Variants in SPEN observed in about 807,000 individuals in gnomAD.
SPEN encodes msx2-interacting protein.
In SPEN, 18 loss-of-function variants were observed where a neutral mutation model predicts 269.9. That is an observed-to-expected ratio of 0.07 (90% CI 0.05 to 0.10). SPEN has a LOEUF of 0.10. Ranked by LOEUF, SPEN falls within the 10% of genes least tolerant of loss-of-function variation. SPEN has a pLI of 1.00. For missense variants in SPEN, 3,822 were observed against 4,631.2 expected, an observed-to-expected ratio of 0.83 and a Z score of 5.07; for synonymous variants, 1,726 against 1,765.7, an observed-to-expected ratio of 0.98 and a Z score of 0.56.
chr1:15,926,410 C>CAT (rs1318038031), intron 10 of SPEN, among the ~76,000 whole-genome samples: 7 of 150,824 alleles, frequency 4.6e-5, no homozygotes, highest in Middle Eastern at 3.5e-3. Flanking sequence ...CACACACACA[C>CAT]ACATTTATAA....
rs1459374757 is a variant in SPEN, at chr1:15,874,292, G to A, written c.404+1156G>A. On this transcript the variant is annotated intron_variant, in intron 2 of 14. Transcript: ENST00000375759. ...TTTGACACCCTTGCCCATTAAGAAG[G>A]TGGATTACCCCCATAAGAGGGGCCA... 3.7e-6 allele frequency: 5 copies of A among 1,366,488 alleles called. No individual in the cohort carries two copies. The South Asian group carries it at 5.7e-5, about 16-fold the overall frequency. 84.6% of individuals were successfully genotyped at this position (1,366,488 alleles called of 1,614,324 possible).
At chr1:15,872,717 C>G (rs2070593835) in intron 1 of SPEN, 99 bp from the exon 2 acceptor site, 1 of 821,890 alleles carries the variant, frequency 1.2e-6, no homozygotes, top group African/African-American at 1.7e-5. Flanking sequence ...GCAGGTCGTC[C>G]CTCCTACATA....
Position 15,847,901 on chromosome 1 carries a change from G to T in SPEN, c.-167G>T. ...CCCGAGAGTCAGAACCTGGGGGAGA[G>T]GGATGGTCTCTGCACGGGGGGGAGC... is the stretch of plus-strand genomic sequence containing the variant. On this transcript the variant is annotated 5_prime_UTR_variant, in exon 1 of 15. The change creates a new upstream start codon in the 5' untranslated region. Transcript: ENST00000375759. 1 of 308,066 alleles carries T rather than the reference G, an allele frequency of 3.2e-6. No individual in the cohort carries two copies. The highest frequency in any genetic ancestry group is 6.0e-6 in the Non-Finnish European group (1 of 165,364). The allele number at this position is 308,066 out of a possible 1,614,324, so 19.1% of individuals were successfully genotyped here.
rs773568000 is a variant in SPEN at position 15,918,967 on chromosome 1, G to C, written c.1437G>C (p.Ala479=). The C allele has an allele frequency of 3.9e-5, 63 of 1,608,992 alleles. No individual in the cohort carries two copies. The change falls in exon 7 of 15, where the codon GCG becomes GCC. Residue 479 remains alanine, a synonymous_variant. Coordinates refer to ENST00000375759, the MANE Select transcript of SPEN (RefSeq NM_015001.3). ...IKKVNGVPQY[A]FLQYCDIASV... The stretch of plus-strand genomic sequence containing the variant: ...AAGTAAATGGAGTTCCTCAGTATGC[G>C]TTTCTGCAATACTGTGATATTGCTA...
Position 15,894,533 on chromosome 1 carries a change from G to GTTTTTTTTT in SPEN, c.882-14786_882-14785insTTTTTTTTT, listed in dbSNP as rs35841965. Among the ~76,000 whole-genome samples, 344 of 135,968 alleles carry GTTTTTTTTT rather than the reference G, an allele frequency of 2.5e-3. 20 individuals carry two copies. Among genetic ancestry groups the GTTTTTTTTT allele is most frequent in the African/African-American group, 9.2e-3 (309 of 33,642 alleles). The allele number at this position is 135,968 out of a possible 152,430, so 89.2% of individuals were successfully genotyped here. ...TAGATCCTAAAACTACCATATTATG[G>GTTTTTTTTT]TTGTTTTTTTTTTTTTTTTTTTTTT... is the stretch of plus-strand genomic sequence containing the variant. On this transcript the variant is annotated intron_variant, in intron 3 of 14. Transcript: ENST00000375759.
Position 15,928,201 on chromosome 1 carries a change from G to A in SPEN, c.1961G>A (p.Gly654Glu). ...EDSRRDYPAR[G>E]REFYSEWETY... ...TCCAGGCGGGACTATCCAGCTCGAG[G>A]GAGAGAGTTTTATTCAGAATGGGAA... The change falls in exon 11 of 15, where the codon GGG becomes GAG. Residue 654 changes from glycine to glutamate, a missense_variant. Coordinates refer to ENST00000375759, the MANE Select transcript of SPEN (RefSeq NM_015001.3). This position sits in a 1 kb window ranked among gnomAD's most constrained non-coding sequence, Gnocchi z 5.7. 1 of 1,614,150 alleles carries A rather than the reference G, an allele frequency of 6.2e-7. No individual in the cohort carries two copies. The highest frequency in any genetic ancestry group is 1.3e-5 in the African/African-American group (1 of 75,026).
At chr1:15,897,985 A>G (rs983664233) in intron 3 of SPEN, among the ~76,000 whole-genome samples, 4 of 152,144 alleles carry the variant, frequency 2.6e-5, no homozygotes, top group Non-Finnish European at 4.4e-5. Flanking sequence ...GGTCTGACTC[A>G]TTGCCCTGAT....
In SPEN at chr1:15,867,706, C is replaced by A. The variant is rs1301108259; in HGVS notation, c.84-5110C>A. 2.7e-5 allele frequency among the ~76,000 whole-genome samples: 4 copies of A among 147,402 alleles called. No homozygotes were observed. The East Asian group carries it at 7.8e-4, about 29-fold the overall frequency. The stretch of plus-strand genomic sequence containing the variant: ...TCTCTTCATCCTCATTATTAGTTGT[C>A]ATTGCCTTTTTTTTTTTTTTAGCTG... On this transcript the variant is annotated intron_variant, in intron 1 of 14. Coordinates refer to ENST00000375759, the MANE Select transcript of SPEN (RefSeq NM_015001.3).
intron 5 of SPEN, among the ~76,000 whole-genome samples, chr1:15,914,973 GAT>G (rs2071044670): frequency 6.6e-6 from 1 of 152,138 alleles, no homozygotes; most frequent in South Asian, 2.1e-4. Flanking sequence ...TTAGACAGTT[GAT>G]TTATTGTGTT....
rs982026894 is a variant in SPEN at position 15,935,626 on chromosome 1, T to C, written c.9386T>C (p.Ile3129Thr). The change falls in exon 11 of 15, where the codon ATA becomes ACA. Residue 3129 changes from isoleucine to threonine, a missense_variant. Ile to Thr is a moderately conservative substitution (Grantham distance 89). Transcript: ENST00000375759. The surrounding 1 kb of genome is among the most constrained non-coding windows in gnomAD (Gnocchi z 7.7). ...SPRAPLQPQQIEVRAPQRAST... is the reference protein window; with the variant it reads ...SPRAPLQPQQTEVRAPQRAST... ...CGGGCTCCGCTGCAGCCCCAGCAAA[T>C]AGAGGTCAGGGCCCCACAGCGTGCC... 17 of 1,613,806 alleles carry C rather than the reference T, an allele frequency of 1.1e-5. No individual in the cohort carries two copies. Among genetic ancestry groups the C allele is most frequent in the African/African-American group, 2.7e-5 (2 of 74,846 alleles).
chr1:15,935,093 A>C lies in SPEN; in HGVS notation c.8853A>C (p.Pro2951=), dbSNP rs770689384. The C allele has an allele frequency of 1.9e-5, 31 of 1,613,724 alleles. No homozygotes were observed. In the Middle Eastern group the frequency reaches 8.2e-4, roughly 43 times the overall value. ...VLVHNQLVLT[P]SIVTTNKKLA... ...TTCACAACCAGCTGGTCCTCACCCC[A>C]AGCATTGTCACCACAAACAAGAAGC... The change falls in exon 11 of 15, where the codon CCA becomes CCC. Residue 2951 remains proline, a synonymous_variant. Transcript: ENST00000375759. The surrounding 1 kb of genome is among the most constrained non-coding windows in gnomAD (Gnocchi z 7.7).
intron 1 of SPEN, among the ~76,000 whole-genome samples, chr1:15,858,751 A>G (rs975017057): frequency 2.0e-5 from 3 of 152,118 alleles, no homozygotes; most frequent in South Asian, 2.1e-4. Flanking sequence ...TCTGGGCAAC[A>G]TGGTAAAACC....
At chr1:15,894,536 G>GGTTTTTTT (rs1553177206) in intron 3 of SPEN, among the ~76,000 whole-genome samples, 5 of 100,382 alleles carry the variant, frequency 5.0e-5, no homozygotes, top group South Asian at 3.5e-4. Flanking sequence ...TATTATGGTT[G>GGTTTTTTT]TTTTTTTTTT....
Position 15,931,826 on chromosome 1 carries a change from A to G in SPEN, c.5586A>G (p.Ala1862=). The G allele has an allele frequency of 6.2e-7, 1 of 1,614,248 alleles. No homozygotes were observed. The highest frequency in any genetic ancestry group is 8.5e-7 in the Non-Finnish European group (1 of 1,180,044). ...LKRSNSPRGE[A]QKLLELKMEA... is the part of the protein sequence containing the mutation. ...GGTCCAATTCTCCTCGGGGAGAAGC[A>G]CAGAAGCTTTTGGAATTGAAGATGG... Residue 1862 remains alanine (A), a synonymous_variant, in exon 11 of 15, where the codon GCA becomes GCG. Coordinates refer to ENST00000375759, the MANE Select transcript of SPEN (RefSeq NM_015001.3). This position sits in a 1 kb window ranked among gnomAD's most constrained non-coding sequence, Gnocchi z 4.8.
chr1:15,911,334 C>T (rs1206267290), intron 5 of SPEN, 33 bp downstream of exon 5: 20 of 1,561,590 alleles, frequency 1.3e-5, no homozygotes, highest in Non-Finnish European at 1.7e-5. Context: ...TTGAGTTACT[C>T]ATCACACACA....
rs747368965 is a variant in SPEN at position 15,937,988 on chromosome 1, G to C, written c.10686G>C (p.Gly3562=). 7 of 1,609,644 alleles carry C rather than the reference G, an allele frequency of 4.3e-6. No homozygotes were observed. Among genetic ancestry groups the C allele is most frequent in the Non-Finnish European group, 5.9e-6 (7 of 1,178,552 alleles). Residue 3562 remains glycine (G), a synonymous_variant, in exon 13 of 15, where the codon GGG becomes GGC. Transcript: ENST00000375759. This position sits in a 1 kb window ranked among gnomAD's most constrained non-coding sequence, Gnocchi z 5.7. ...GGCTGGAGGCAACGCAGCTGGAAGG[G>C]GTTGCCCGAAGGATGACGGTAAGAC... ...RMRLEATQLE[G]VARRMTVETD... is the part of the protein sequence containing the mutation.
chr1:15,940,120 A>G lies in SPEN; in HGVS notation c.*693A>G, dbSNP rs1378605547. ...ATAAATATATAATATATATAAATAT[A>G]TATAATACTGACTTAAAAAATCAAA... On this transcript the variant is annotated 3_prime_UTR_variant, in exon 15 of 15. Transcript: ENST00000375759. The G allele has an allele frequency of 9.4e-6, 2 of 212,274 alleles. No individual in the cohort carries two copies. The highest frequency in any genetic ancestry group is 1.9e-5 in the Non-Finnish European group (2 of 105,714). 13.1% of individuals were successfully genotyped at this position (212,274 alleles called of 1,614,324 possible). A position where few individuals can be genotyped will look rare whatever the true frequency, so the allele number is the denominator to read the frequency against.
chr1:15,866,044 A>G (rs1569979753), intron 1 of SPEN, among the ~76,000 whole-genome samples: 3 of 152,016 alleles, frequency 2.0e-5, no homozygotes, highest in Admixed American at 6.6e-5. Flanking sequence ...GGGATTTTAT[A>G]TCATGCCAGT....
chr1:15,925,795 C>T (rs752830851), intron 10 of SPEN, among the ~76,000 whole-genome samples: 2 of 152,044 alleles, frequency 1.3e-5, no homozygotes, highest in Non-Finnish European at 2.9e-5. Flanking sequence ...CTCAAGCCTA[C>T]CATTAATATG....
Sources: allele counts gnomAD v4.1 joint callset (sites outside exome capture counted in the v4.1 genomes callset), GRCh38; gene constraint gnomAD v4.1.1; non-coding constraint Gnocchi (gnomAD v3.1); transcripts MANE v1.5; gene names NCBI Gene and HGNC (gene_info 2026-07-23, HGNC 2026-07-21).